XXYLT1: variants seen among roughly 807,000 people sequenced by gnomAD.
XXYLT1 encodes the protein xyloside xylosyltransferase 1.
XXYLT1 carries 20 observed loss-of-function variants against 28.9 expected under a neutral mutation model. That is an observed-to-expected ratio of 0.69 (90% confidence interval 0.49 to 1.00). The LOEUF (loss-of-function observed/expected upper bound fraction) is 1.00, where lower values mean the gene tolerates loss of function less well. XXYLT1 is among the 50% of genes least tolerant of loss of function. XXYLT1 has a pLI of 0.00. For missense variants in XXYLT1, 542 were observed against 560.1 expected, an observed-to-expected ratio of 0.97 and a Z score of 0.33; for synonymous variants, 257 against 253.8, an observed-to-expected ratio of 1.01 and a Z score of -0.12.
chr3:195,211,824 G>A (rs11927806), intron 2 of XXYLT1, among the ~76,000 whole-genome samples: 3,074 of 132,718 alleles, frequency 0.023, 139 homozygotes, highest in African/African-American at 0.081. Context: ...GAATGCCACC[G>A]GGAAGATCTG....
At chr3:195,266,498 A>T (rs1412851331) in intron 1 of XXYLT1, among the ~76,000 whole-genome samples, 1 of 152,160 alleles carries the variant, frequency 6.6e-6, no homozygotes, top group Non-Finnish European at 1.5e-5. Context: ...ATCACAAAAA[A>T]AAAATAAAAG....
chr3:195,169,869 A>ATTTTTTTTTTTTAT (rs1553814687), intron 2 of XXYLT1, among the ~76,000 whole-genome samples: 41 of 123,234 alleles, frequency 3.3e-4, no homozygotes, highest in African/African-American at 1.2e-3. Flanking sequence ...ATATATATAT[A>ATTTTTTTTTTTTAT]TTTTTTTTTT....
chr3:195,184,642 A>C (rs1722098311), intron 2 of XXYLT1: 1 of 985,260 alleles, frequency 1.0e-6, no homozygotes, highest in African/African-American at 1.7e-5. Flanking sequence ...ACCCAGAAAC[A>C]AGGTCTCTTC....
chr3:195,213,662 C>T (rs927533833), intron 2 of XXYLT1, among the ~76,000 whole-genome samples: 3 of 152,208 alleles, frequency 2.0e-5, no homozygotes, highest in African/African-American at 7.2e-5. Context: ...CGTGTGTAAG[C>T]GATGTTGGTT....
rs947691553 is a variant in XXYLT1, at chr3:195,129,260, T to C, written c.785+27189A>G. ...TGGTAACAGCTTTCTTGACACATAA[T>C]TTAAATTCCATACAATTCACCCATT... is the stretch of plus-strand genomic sequence containing the variant. On this transcript the variant is annotated intron_variant, in intron 3 of 3. Transcript: ENST00000310380. The surrounding 1 kb of genome is among the most constrained non-coding windows in gnomAD (Gnocchi z 4.4). 6.6e-6 allele frequency among the ~76,000 whole-genome samples: 1 copy of C among 152,190 alleles called. No homozygotes were observed. Among genetic ancestry groups the C allele is most frequent in the Non-Finnish European group, 1.5e-5 (1 of 68,028 alleles).
chr3:195,200,413 T>G (rs971418300), intron 2 of XXYLT1, among the ~76,000 whole-genome samples: 1 of 152,190 alleles, frequency 6.6e-6, no homozygotes, highest in Non-Finnish European at 1.5e-5. Flanking sequence ...ACACAGTGGG[T>G]TCACTGGTAA....
intron 1 of XXYLT1, among the ~76,000 whole-genome samples, chr3:195,242,527 T>C (rs113471556): frequency 0.011 from 1,700 of 152,022 alleles, 28 homozygotes; most frequent in African/African-American, 0.038. Flanking sequence ...AAAAGTTTAA[T>C]AGGCAAGAAA....
intron 1 of XXYLT1, among the ~76,000 whole-genome samples, chr3:195,244,559 C>G (rs1037368799): frequency 1.3e-5 from 2 of 150,676 alleles, no homozygotes; most frequent in Admixed American, 1.3e-4. Flanking sequence ...GTCGGCTGTT[C>G]GAGACCAGAC....
chr3:195,088,100 G>T (rs1577010735), intron 3 of XXYLT1, among the ~76,000 whole-genome samples: 1 of 151,886 alleles, frequency 6.6e-6, no homozygotes, highest in Non-Finnish European at 1.5e-5. Flanking sequence ...TGGCAGCGAG[G>T]CTGGGGGAGG....
chr3:195,190,567 T>C (rs1403239963), intron 2 of XXYLT1, among the ~76,000 whole-genome samples: 1 of 150,270 alleles, frequency 6.7e-6, no homozygotes, highest in Non-Finnish European at 1.5e-5. Context: ...AGATGGTAAC[T>C]TGTGTCCACA....
chr3:195,246,329 GTTC>G (rs1199832946), intron 1 of XXYLT1, among the ~76,000 whole-genome samples: 2 of 152,204 alleles, frequency 1.3e-5, no homozygotes, highest in Non-Finnish European at 2.9e-5. Flanking sequence ...GGCCAGACCT[GTTC>G]TTCTTCCCCT....
intron 2 of XXYLT1, among the ~76,000 whole-genome samples, chr3:195,201,743 G>T (rs528346978): frequency 6.6e-6 from 1 of 152,296 alleles, no homozygotes; most frequent in East Asian, 1.9e-4. Flanking sequence ...GGACCTGAGT[G>T]CCCAAGGGAT....
intron 3 of XXYLT1, among the ~76,000 whole-genome samples, chr3:195,127,640 G>T (rs936875945): frequency 6.6e-6 from 1 of 152,104 alleles, no homozygotes; most frequent in Non-Finnish European, 1.5e-5. Context: ...TGCTGGGCAT[G>T]GTGACACGTG....
chr3:195,247,517 T>C lies in XXYLT1; in HGVS notation c.505-20661A>G, dbSNP rs558849862. ...CACCTCACCCTCGTGCACAGCTTCC[T>C]CTAGGGGCCGGCCTCTCTTGAAACT... On this transcript the variant is annotated intron_variant, in intron 1 of 3. Coordinates refer to ENST00000310380, the MANE Select transcript of XXYLT1 (RefSeq NM_152531.5). 7.2e-5 allele frequency among the ~76,000 whole-genome samples: 11 copies of C among 152,330 alleles called. No homozygotes were observed. In the South Asian group the frequency reaches 2.3e-3, roughly 32 times the overall value.
chr3:195,248,286 G>A (rs895761349), intron 1 of XXYLT1, among the ~76,000 whole-genome samples: 5 of 152,214 alleles, frequency 3.3e-5, no homozygotes, highest in South Asian at 2.1e-4. Flanking sequence ...AGAAAAAGGA[G>A]TTGACATGGT....
intron 1 of XXYLT1, chr3:195,270,250 A>T: frequency 1.7e-6 from 1 of 571,820 alleles, no homozygotes; most frequent in Non-Finnish European, 3.1e-6. Flanking sequence ...GCAGTGCTGA[A>T]CCCTGCAACG....
chr3:195,188,070 G>A (rs1326120671), intron 2 of XXYLT1, among the ~76,000 whole-genome samples: 1 of 152,180 alleles, frequency 6.6e-6, no homozygotes, highest in South Asian at 2.1e-4. Flanking sequence ...GTAAACATCT[G>A]ACTCTGGAGA....
chr3:195,098,099 G>A (rs1486120133), intron 3 of XXYLT1, among the ~76,000 whole-genome samples: 4 of 152,156 alleles, frequency 2.6e-5, no homozygotes, highest in Non-Finnish European at 4.4e-5. Flanking sequence ...GAACAGGCAC[G>A]CTCACAGGCA....
intron 1 of XXYLT1, among the ~76,000 whole-genome samples, chr3:195,237,538 C>T (rs964552854): frequency 6.6e-6 from 1 of 151,782 alleles, no homozygotes; most frequent in African/African-American, 2.4e-5. Context: ...ATTTTTAGTG[C>T]CCACGAAGGT....
Sources: gnomAD v4.1 joint callset for allele counts (sites outside exome capture counted in the v4.1 genomes callset) on GRCh38, gnomAD v4.1.1 for gene constraint, Gnocchi (gnomAD v3.1) non-coding constraint, MANE v1.5 for transcripts, NCBI Gene and HGNC (gene_info 2026-07-23, HGNC 2026-07-21) for gene names.